The following SLC66A2 variants were observed in gnomAD, a reference collection of about 807,000 sequenced individuals.
SLC66A2 encodes the protein solute carrier family 66 member 2.
In SLC66A2, 23 loss-of-function variants were observed where a neutral mutation model predicts 25.5. That is an observed-to-expected ratio of 0.90 (90% CI 0.65 to 1.28). SLC66A2 has a LOEUF of 1.28. Ranked by LOEUF, SLC66A2 falls within the 50% of genes most tolerant of loss-of-function variation. The pLI is 0.00. For missense variants in SLC66A2, 396 were observed against 373.1 expected (o/e 1.06, Z -0.51); for synonymous variants, 193 against 166.5 (o/e 1.16, Z -1.23).
At chr18:79,947,827 TG>T (rs11291850) in intron 2 of SLC66A2, among the ~76,000 whole-genome samples, 19,888 of 148,910 alleles carry the variant, frequency 0.13, 1,362 homozygotes, top group East Asian at 0.22. Context: ...AAGCCAGGAG[TG>T]GGGGGTCACA....
chr18:79,938,028 C>A (rs1297625986), intron 3 of SLC66A2, among the ~76,000 whole-genome samples: 2 of 151,940 alleles, frequency 1.3e-5, no homozygotes, highest in African/African-American at 4.8e-5. Context: ...GTAATCCCAA[C>A]GCTTTGGGAG....
Position 79,904,181 on chromosome 18 carries a change from A to C in SLC66A2, c.611T>G (p.Ile204Ser), listed in dbSNP as rs534487579. 5.6e-6 allele frequency: 9 copies of C among 1,612,516 alleles called. No homozygotes were observed. The East Asian group carries it at 2.0e-4, about 36-fold the overall frequency. The change falls in exon 6 of 6, where the codon ATC (isoleucine) becomes AGC (serine). Residue 204 changes from isoleucine to serine, a missense_variant and splice_region_variant. Physicochemically the swap from Ile to Ser is moderately radical, Grantham distance 142 (BLOSUM62 -2). Transcript: ENST00000397778. The surrounding 1 kb of genome is among the most constrained non-coding windows in gnomAD (Gnocchi z 6.3). ...HRHQSTEGMS[I>S]KMVLMWTSGD... The stretch of plus-strand genomic sequence containing the variant: ...ACTGGTCCACATGAGCACCATCTTG[A>C]TGCTGTGGAGACACAAGCAGGCGGT...
intron 5 of SLC66A2, among the ~76,000 whole-genome samples, chr18:79,911,704 C>A (rs113658376): frequency 6.6e-6 from 1 of 152,198 alleles, no homozygotes; most frequent in Admixed American, 6.5e-5. Flanking sequence ...TCCCCCACCC[C>A]CCTAGCTACA....
chr18:79,922,517 C>T lies in SLC66A2; in HGVS notation c.392-3117G>A, dbSNP rs556807365. 9.9e-5 allele frequency among the ~76,000 whole-genome samples: 15 copies of T among 152,150 alleles called. No individual in the cohort carries two copies. The South Asian group carries it at 1.2e-3, about 13-fold the overall frequency. ...TGAGTTCTACAACACGCCTCGGCCA[C>T]GGTGCCGCTCAGTAAATCCGTACCA... On this transcript the variant is annotated intron_variant, in intron 4 of 5. Transcript: ENST00000397778.
chr18:79,914,195 C>T (rs1983643809), intron 5 of SLC66A2, among the ~76,000 whole-genome samples: 1 of 152,226 alleles, frequency 6.6e-6, no homozygotes, highest in African/African-American at 2.4e-5. Flanking sequence ...TGAGCCACCG[C>T]GCCCAGCCCA....
chr18:79,926,828 C>T (rs1253623909), intron 4 of SLC66A2, among the ~76,000 whole-genome samples: 1 of 152,114 alleles, frequency 6.6e-6, no homozygotes, highest in Non-Finnish European at 1.5e-5. Context: ...TGAGTGACTA[C>T]CACCACTCTA....
At chr18:79,943,586 A>T in intron 2 of SLC66A2, 124 bp from the exon 3 acceptor site, 1 of 1,181,996 alleles carries the variant, frequency 8.5e-7, no homozygotes, top group Admixed American at 2.2e-5. Flanking sequence ...CCCAGTCCTG[A>T]ACCTGCAGCC....
chr18:79,934,363 G>C (rs1204942555), intron 3 of SLC66A2, among the ~76,000 whole-genome samples: 1 of 152,194 alleles, frequency 6.6e-6, no homozygotes, highest in Non-Finnish European at 1.5e-5. Flanking sequence ...TGTGCTGATG[G>C]AAAGCAGCCA....
At chr18:79,936,095 T>G (rs865857363) in intron 3 of SLC66A2, among the ~76,000 whole-genome samples, 30 of 152,244 alleles carry the variant, frequency 2.0e-4, no homozygotes, top group Middle Eastern at 3.2e-3. Context: ...TCCTGGGACT[T>G]TGGTCCATGT....
In SLC66A2 at chr18:79,943,992, C is replaced by T. The variant is rs113383699; in HGVS notation, c.204-530G>A. 891 of 166,510 alleles carry T rather than the reference C, an allele frequency of 5.4e-3. 16 individuals carry two copies. The highest frequency in any genetic ancestry group is 0.02 in the African/African-American group (835 of 41,642). The allele number at this position is 166,510 out of a possible 1,614,324, so 10.3% of individuals were successfully genotyped here. On this transcript the variant is annotated intron_variant, in intron 2 of 5. Coordinates refer to ENST00000397778, the MANE Select transcript of SLC66A2 (RefSeq NM_025078.5). ...AAGGAGCCCAGGAGTTGGCAAACAC[C>T]ACAGTGACCAGGCACCTGTTGCCCA...
chr18:79,951,489 G>A (rs888856239), intron 1 of SLC66A2, 92 bp downstream of exon 1: 4 of 152,146 alleles, frequency 2.6e-5, no homozygotes, highest in Admixed American at 2.0e-4. Flanking sequence ...CAAGCCAGGG[G>A]ACTGAAGGCC....
At chr18:79,929,462 G>A (rs906631995) in intron 4 of SLC66A2, among the ~76,000 whole-genome samples, 1 of 152,126 alleles carries the variant, frequency 6.6e-6, no homozygotes, top group African/African-American at 2.4e-5. Context: ...TCCCCCAAGT[G>A]GGGGAATCTG....
In SLC66A2 at chr18:79,924,419, G is replaced by A. The variant is rs138414224; in HGVS notation, c.392-5019C>T. On this transcript the variant is annotated intron_variant, in intron 4 of 5. Coordinates refer to ENST00000397778, the MANE Select transcript of SLC66A2 (RefSeq NM_025078.5). Reference sequence around the variant, plus strand: ...GCAGACGAGCCGCCGTCGGGGCTGGGGGAAGACGGAACTTGGGGAAAAGAA... The same window carrying A: ...GCAGACGAGCCGCCGTCGGGGCTGGAGGAAGACGGAACTTGGGGAAAAGAA... Among the ~76,000 whole-genome samples the A allele has an allele frequency of 8.2e-3, 1,253 of 152,304 alleles. 14 individuals are homozygous for A. The highest frequency in any genetic ancestry group is 0.014 in the Non-Finnish European group (921 of 68,026).
At chr18:79,933,869 C>A in intron 4 of SLC66A2, 100 bp downstream of exon 4, 1 of 1,008,912 alleles carries the variant, frequency 9.9e-7, no homozygotes, top group Non-Finnish European at 1.5e-6. Context: ...AAAGATGACG[C>A]ACGCACATGC....
At chr18:79,931,829 A>G (rs1037059523) in intron 4 of SLC66A2, among the ~76,000 whole-genome samples, 2 of 152,090 alleles carry the variant, frequency 1.3e-5, no homozygotes, top group Admixed American at 1.3e-4. Context: ...CCTGGTAAAC[A>G]TGGTGAAAAC....
chr18:79,951,565 C>T lies in SLC66A2; in HGVS notation c.-100+16G>A, dbSNP rs953029769. ...GCCGCCCCCCGAGGACCCCGCGCCG[C>T]CCCCGCGCTCCTTACCTGCGCCCCC... On this transcript the variant is annotated intron_variant, in intron 1 of 5. Coordinates refer to ENST00000397778, the MANE Select transcript of SLC66A2 (RefSeq NM_025078.5). 3 of 152,102 alleles carry T rather than the reference C, an allele frequency of 2.0e-5. No homozygotes were observed. Among genetic ancestry groups the T allele is most frequent in the Non-Finnish European group, 4.4e-5 (3 of 67,724 alleles). 9.4% of individuals were successfully genotyped at this position (152,102 alleles called of 1,614,324 possible).
At chr18:79,947,623 G>A (rs1201502493) in intron 2 of SLC66A2, among the ~76,000 whole-genome samples, 2 of 906 alleles carry the variant, frequency 2.2e-3, no homozygotes, top group Admixed American at 0.045. Flanking sequence ...CCTTCTCACC[G>A]GAGCCTGCCC....
chr18:79,943,357 C>T lies in SLC66A2; in HGVS notation c.309G>A (p.Glu103=), dbSNP rs1286366235. 3.7e-6 allele frequency: 6 copies of T among 1,614,066 alleles called. No homozygotes were observed. Among genetic ancestry groups the T allele is most frequent in the South Asian group, 1.1e-5 (1 of 91,084 alleles). ...KLCTEVRVAN[E]LNARRRSFTA... ...TAAAGGAGCGGCGCCTGGCGTTGAG[C>T]TCGTTGGCCACACGGACCTCGGTGC... Residue 103 remains glutamate (E), a synonymous_variant, in exon 3 of 6, where the codon GAG becomes GAA. Transcript: ENST00000397778.
chr18:79,912,640 G>C (rs1056326321), intron 5 of SLC66A2, among the ~76,000 whole-genome samples: 5 of 152,156 alleles, frequency 3.3e-5, no homozygotes, highest in African/African-American at 1.2e-4. Flanking sequence ...GGGGCGGTGG[G>C]AATGACTGCC....
Sources: allele counts gnomAD v4.1 joint callset (sites outside exome capture counted in the v4.1 genomes callset), GRCh38; gene constraint gnomAD v4.1.1; non-coding constraint Gnocchi (gnomAD v3.1); transcripts MANE v1.5; gene names NCBI Gene and HGNC (gene_info 2026-07-23, HGNC 2026-07-21).